SRR: variants seen among roughly 807,000 people sequenced by gnomAD.
SRR encodes serine racemase, also known as D-serine ammonia-lyase.
Under a neutral mutation model 32.7 loss-of-function variants are expected in SRR, and 19 were observed. That is an observed-to-expected ratio of 0.58 (90% CI 0.40 to 0.85). SRR has a LOEUF of 0.85. Ranked by LOEUF, SRR falls within the 40% of genes least tolerant of loss-of-function variation. The pLI, the probability that SRR is intolerant of heterozygous loss-of-function variation, is 0.00. For missense variants in SRR, 373 were observed against 404.7 expected (o/e 0.92, Z 0.67); for synonymous variants, 142 against 140.9 (o/e 1.01, Z -0.06).
chr17:2,309,288 C>A (rs1480102048), intron 1 of SRR, among the ~76,000 whole-genome samples: 1 of 152,150 alleles, frequency 6.6e-6, no homozygotes, highest in Non-Finnish European at 1.5e-5. Context: ...ACACTTCTCT[C>A]CCCCATTCAA....
In SRR at chr17:2,323,878, C is replaced by T. The variant is rs1382178629; in HGVS notation, c.*5C>T. On this transcript the variant is annotated 3_prime_UTR_variant, in exon 8 of 8. Transcript: ENST00000344595. The stretch of plus-strand genomic sequence containing the variant: ...TATCAGTCTGTTTCTGTTTAATTTA[C>T]AGAAAAGGAAATGGTGGGAATTCAG... 1.9e-6 allele frequency: 3 copies of T among 1,612,654 alleles called. No individual in the cohort carries two copies. Among genetic ancestry groups the T allele is most frequent in the Non-Finnish European group, 2.5e-6 (3 of 1,179,066 alleles).
At chr17:2,314,852 G>C (rs934202300) in intron 1 of SRR, among the ~76,000 whole-genome samples, 12 of 151,384 alleles carry the variant, frequency 7.9e-5, no homozygotes, top group Admixed American at 5.9e-4. Flanking sequence ...CAAATAATTT[G>C]TTAAATTTTT....
Position 2,324,654 on chromosome 17 carries a change from G to C in SRR, c.*781G>C. 1.2e-6 allele frequency: 2 copies of C among 1,613,914 alleles called. No individual in the cohort carries two copies. The highest frequency in any genetic ancestry group is 1.7e-6 in the Non-Finnish European group (2 of 1,179,984). On this transcript the variant is annotated 3_prime_UTR_variant, in exon 8 of 8. Coordinates refer to ENST00000344595, the MANE Select transcript of SRR (RefSeq NM_021947.3). ...GTAAACCCAACCTTTATACCACAAA[G>C]GCAATCAGATCCCATCCTCCTCCTT...
At chr17:2,314,188 G>A (rs2075453664) in intron 1 of SRR, among the ~76,000 whole-genome samples, 1 of 152,136 alleles carries the variant, frequency 6.6e-6, no homozygotes, top group Non-Finnish European at 1.5e-5. Flanking sequence ...AGTGACTCAC[G>A]CCTATAATCC....
At chr17:2,306,515 G>A (rs1314731334) in intron 1 of SRR, among the ~76,000 whole-genome samples, 46 of 152,080 alleles carry the variant, frequency 3.0e-4, no homozygotes, top group Middle Eastern at 3.4e-3. Context: ...TCAGGAGTTC[G>A]AGACCAGCCT....
At position 2,323,162 on chromosome 17, in the gene SRR, T is replaced by G. The variant is rs990464066; in HGVS notation, c.621T>G (p.Tyr207Ter). The stretch of plus-strand genomic sequence containing the variant: ...CTCTGAAACCTAGTGTGAAGGTATA[T>G]GCTGCTGAACCCTCAAATGCAGATG... ...VKALKPSVKVYAAEPSNADDC... is the reference protein window; with the variant it reads ...VKALKPSVKV Residue 207 changes from tyrosine (Y) to a stop codon, truncating the protein, a stop_gained, in exon 7 of 8, where the codon TAT becomes TAG. Coordinates refer to ENST00000344595, the MANE Select transcript of SRR (RefSeq NM_021947.3). LOFTEE classifies it high-confidence loss of function. The G allele has an allele frequency of 5.6e-6, 9 of 1,614,108 alleles. No homozygotes were observed. Among genetic ancestry groups the G allele is most frequent in the Non-Finnish European group, 7.6e-6 (9 of 1,180,054 alleles).
rs925790730 is a variant in SRR at position 2,307,860 on chromosome 17, C to T, written c.-5+3843C>T. On this transcript the variant is annotated intron_variant, in intron 1 of 7. Transcript: ENST00000344595. ...AGAAGATATGTTTTAGACAAATACT[C>T]ATGTGTATGGGCAAAAAACTCGAAG... 4.7e-5 allele frequency: 30 copies of T among 638,592 alleles called. No individual in the cohort carries two copies. The African/African-American group carries it at 5.1e-4, about 11-fold the overall frequency. 39.6% of individuals were successfully genotyped at this position (638,592 alleles called of 1,614,324 possible).
chr17:2,319,315 C>CA (rs571951676), intron 4 of SRR, among the ~76,000 whole-genome samples: 1 of 151,862 alleles, frequency 6.6e-6, no homozygotes, highest in Admixed American at 6.6e-5. Context: ...TCTAGTTACT[C>CA]AAAAAAAAGT....
chr17:2,318,021 G>T, intron 3 of SRR, 25 bp downstream of exon 3: 1 of 1,581,744 alleles, frequency 6.3e-7, no homozygotes, highest in Non-Finnish European at 8.6e-7. Context: ...AAGGTACTGG[G>T]TAGATCTTCA....
chr17:2,321,866 C>G (rs1398131140), intron 6 of SRR, among the ~76,000 whole-genome samples: 2 of 152,204 alleles, frequency 1.3e-5, no homozygotes, highest in Non-Finnish European at 2.9e-5. Context: ...CAGCCTCCAC[C>G]TCCCGGGTTC....
chr17:2,318,890 C>T lies in SRR; in HGVS notation c.360C>T (p.Ala120=), dbSNP rs2075501415. Residue 120 remains alanine (A), a synonymous_variant, in exon 4 of 8, where the codon GCC becomes GCT. Transcript: ENST00000344595. ...ACTGTAAAAAACTTGCAATACAAGC[C>T]TACGGAGCGTCAATTGTATACTGTG... ...APDCKKLAIQ[A]YGASIVYCEP... is the part of the protein sequence containing the mutation. 2 of 1,613,856 alleles carry T rather than the reference C, an allele frequency of 1.2e-6. No homozygotes were observed. Among genetic ancestry groups the T allele is most frequent in the South Asian group, 2.2e-5 (2 of 91,082 alleles).
chr17:2,305,700 T>TGTTTTTC (rs2075384291), intron 1 of SRR, among the ~76,000 whole-genome samples: 1 of 152,160 alleles, frequency 6.6e-6, no homozygotes, highest in African/African-American at 2.4e-5. Context: ...TGAGATTTTT[T>TGTTTTTC]GTTTTTCGTT....
intron 1 of SRR, among the ~76,000 whole-genome samples, chr17:2,314,839 T>C (rs1235935530): frequency 6.6e-6 from 1 of 151,814 alleles, no homozygotes; most frequent in Non-Finnish European, 1.5e-5. Flanking sequence ...ATTTTTTCTT[T>C]ATCAAATAAT....
Position 2,315,679 on chromosome 17 carries a change from G to A in SRR, c.119G>A (p.Arg40His), listed in dbSNP as rs766468296. Reference sequence around the variant, plus strand: ...TCCATTTTGAATCAACTAACAGGGCGCAATCTTTTCTTCAAATGTGAACTC... The same window carrying A: ...TCCATTTTGAATCAACTAACAGGGCACAATCTTTTCTTCAAATGTGAACTC... ...TSSILNQLTG[R>H]NLFFKCELFQ... is the part of the protein sequence containing the mutation. The change falls in exon 2 of 8, where the codon CGC becomes CAC. Residue 40 changes from arginine (R) to histidine (H), a missense_variant. Arg to His is a conservative substitution (Grantham distance 29). Coordinates refer to ENST00000344595, the MANE Select transcript of SRR (RefSeq NM_021947.3). 8.7e-6 allele frequency: 14 copies of A among 1,613,796 alleles called. No homozygotes were observed. Among genetic ancestry groups the A allele is most frequent in the East Asian group, 4.5e-5 (2 of 44,882 alleles).
At chr17:2,307,350 T>C in intron 1 of SRR, 1 of 1,058,298 alleles carries the variant, frequency 9.4e-7, no homozygotes, top group Non-Finnish European at 1.5e-6. Context: ...GAGGTCAAAG[T>C]ACTTCTGGAA....
rs1007281747 is a variant in SRR, at chr17:2,324,414, G to A, written c.*541G>A. On this transcript the variant is annotated 3_prime_UTR_variant, in exon 8 of 8. Coordinates refer to ENST00000344595, the MANE Select transcript of SRR (RefSeq NM_021947.3). ...GAACAAGTCGGTCAAATTAAAAGTA[G>A]AAAATTTTAAAGCAATGACTTCCAA... 2.5e-6 allele frequency: 4 copies of A among 1,600,976 alleles called. No homozygotes were observed. Among genetic ancestry groups the A allele is most frequent in the Non-Finnish European group, 3.4e-6 (4 of 1,174,298 alleles).
rs777282880 is a variant in SRR, at chr17:2,324,827, T to C, written c.*954T>C. 2 of 1,606,530 alleles carry C rather than the reference T, an allele frequency of 1.2e-6. No individual in the cohort carries two copies. The highest frequency in any genetic ancestry group is 2.2e-5 in the East Asian group (1 of 44,862). On this transcript the variant is annotated 3_prime_UTR_variant, in exon 8 of 8. Transcript: ENST00000344595. The stretch of plus-strand genomic sequence containing the variant: ...TGGCCTGTAGCAATGAGGCTGTGCA[T>C]TCCTAAAGGACAAAAGCAAAGAAGC...
chr17:2,315,588 G>T lies in SRR; in HGVS notation c.28G>T (p.Ala10Ser). The T allele has an allele frequency of 6.2e-7, 1 of 1,613,818 alleles. No homozygotes were observed. The change falls in exon 2 of 8, where the codon GCT (alanine) becomes TCT (serine). Residue 10 changes from alanine (A) to serine (S), a missense_variant. Physicochemically the swap from Ala to Ser is moderately conservative, Grantham distance 99. Transcript: ENST00000344595. ...GTGTGCTCAGTATTGCATCTCCTTTGCTGATGTTGAAAAAGCTCATATCAA... is the reference window on the plus strand; with the variant it reads ...GTGTGCTCAGTATTGCATCTCCTTTTCTGATGTTGAAAAAGCTCATATCAA... MCAQYCISFADVEKAHINIR... is the reference protein window; with the variant it reads MCAQYCISFSDVEKAHINIR...
chr17:2,307,360 A>G, intron 1 of SRR: 1 of 1,069,518 alleles, frequency 9.4e-7, no homozygotes, highest in South Asian at 1.2e-5. Context: ...TACTTCTGGA[A>G]ACTTTGGTGG....
Sources: allele counts gnomAD v4.1 joint callset (sites outside exome capture counted in the v4.1 genomes callset), GRCh38; gene constraint gnomAD v4.1.1; transcripts MANE v1.5; gene names NCBI Gene and HGNC (gene_info 2026-07-23, HGNC 2026-07-21).